Variants in PC observed in about 807,000 individuals in gnomAD.
The protein encoded by PC is pyruvate carboxylase, mitochondrial.
PC carries 46 observed loss-of-function variants against 107.8 expected under a neutral mutation model. The observed-to-expected ratio is 0.43, with a 90% CI of 0.34 to 0.55. The LOEUF (loss-of-function observed/expected upper bound fraction) is 0.55. Ranked by LOEUF, PC falls within the 20% of genes least tolerant of loss-of-function variation. The pLI is 0.04. For synonymous variants in PC, 662 were observed against 684.7 expected (o/e 0.97, Z 0.52); for missense variants, 1,241 against 1,643.1 (o/e 0.76, Z 4.23).
chr11:66,858,318 C>T lies in PC; in HGVS notation c.1369-4935G>A, dbSNP rs775117520. 1 of 1,608,412 alleles carries T rather than the reference C, an allele frequency of 6.2e-7. No individual in the cohort carries two copies. The highest frequency in any genetic ancestry group is 8.5e-7 in the Non-Finnish European group (1 of 1,179,088). On this transcript the variant is annotated intron_variant, in intron 12 of 22. Transcript: ENST00000393960. This position sits in a 1 kb window ranked among gnomAD's most constrained non-coding sequence, Gnocchi z 5.9. ...ACTGCCCCCAGGCGCCTTCGCCCAGCTCGGTCAGCTCTCCCGCCTGGACCT... is the reference window on the plus strand; with the variant it reads ...ACTGCCCCCAGGCGCCTTCGCCCAGTTCGGTCAGCTCTCCCGCCTGGACCT...
rs774375052 is a variant in PC, at chr11:66,849,048, T to C, written c.3388A>G (p.Lys1130Glu). ...VIDIKVVAGA[K>E]VAKGQPLCVL... Reference sequence around the variant, plus strand: ...CACAGGGGCTGGCCCTTGGCCACCTTGGCCCCTGCCACCACTTTGATGTCT... The same window carrying C: ...CACAGGGGCTGGCCCTTGGCCACCTCGGCCCCTGCCACCACTTTGATGTCT... Residue 1130 changes from lysine (K) to glutamate (E), a missense_variant, in exon 23 of 23, where the codon AAG becomes GAG. Lys to Glu is a moderately conservative substitution (Grantham distance 56). Around this residue, in one of 2 missense-constraint regions of PC, gnomAD observed 98 missense variants for 91.2 expected, o/e 1.07. Coordinates refer to ENST00000393960, the MANE Select transcript of PC (RefSeq NM_001040716.2). 17 of 1,614,044 alleles carry C rather than the reference T, an allele frequency of 1.1e-5. No individual in the cohort carries two copies. The highest frequency in any genetic ancestry group is 2.2e-5 in the East Asian group (1 of 44,882).
intron 12 of PC, chr11:66,860,695 C>G (rs906702148): frequency 4.3e-6 from 3 of 701,082 alleles, no homozygotes; most frequent in Non-Finnish European, 7.8e-6. Flanking sequence ...CTTGGGCAGG[C>G]GGCCTACCCT....
intron 3 of PC, among the ~76,000 whole-genome samples, chr11:66,916,902 C>T (rs1392867758): frequency 1.3e-5 from 2 of 151,650 alleles, no homozygotes; most frequent in Non-Finnish European, 2.9e-5. Flanking sequence ...TGTAGTGAGC[C>T]GAGACCGTGC....
intron 3 of PC, among the ~76,000 whole-genome samples, chr11:66,892,623 G>T (rs1947618250): frequency 6.6e-6 from 1 of 152,196 alleles, no homozygotes; most frequent in Admixed American, 6.5e-5. Flanking sequence ...AAGGTGGGTG[G>T]ATCATGAGGT....
At position 66,900,282 on chromosome 11, in the gene PC, G is replaced by A. The variant is rs117978387; in HGVS notation, c.1-28123C>T. Among the ~76,000 whole-genome samples the A allele has an allele frequency of 3.8e-4, 55 of 144,654 alleles. 1 individual carries two copies. In the East Asian group the frequency reaches 0.01, roughly 27 times the overall value. The allele number at this position is 144,654 out of a possible 152,430, so 94.9% of individuals were successfully genotyped here. On this transcript the variant is annotated intron_variant, in intron 3 of 22. Transcript: ENST00000393960. Reference sequence around the variant, plus strand: ...TGCAAGCTCTGACTCCCGGGTTCACGTCATTCTCCAGCCTCCCAACTAGCT... The same window carrying A: ...TGCAAGCTCTGACTCCCGGGTTCACATCATTCTCCAGCCTCCCAACTAGCT...
At chr11:66,910,586 A>ACGGC (rs1207631139) in intron 3 of PC, among the ~76,000 whole-genome samples, 1 of 152,146 alleles carries the variant, frequency 6.6e-6, no homozygotes. Context: ...AACTCACCAT[A>ACGGC]CGGCCGGTGG....
chr11:66,947,017 A>C (rs2136145480), intron 3 of PC, among the ~76,000 whole-genome samples: 1 of 152,252 alleles, frequency 6.6e-6, no homozygotes, highest in Non-Finnish European at 1.5e-5. Flanking sequence ...ATGAAGAGAA[A>C]CTGGAACTCT....
At chr11:66,953,397 T>C (rs1452866998) in intron 2 of PC, among the ~76,000 whole-genome samples, 1 of 152,212 alleles carries the variant, frequency 6.6e-6, no homozygotes, top group Non-Finnish European at 1.5e-5. Flanking sequence ...CCTCAAATCC[T>C]TTCCTGCAGA....
In PC at chr11:66,871,728, G is replaced by A. The variant is rs867332885; in HGVS notation, c.280C>T (p.Gln94Ter). 6.4e-7 allele frequency: 1 copy of A among 1,574,292 alleles called. No individual in the cohort carries two copies. Among genetic ancestry groups the A allele is most frequent in the South Asian group, 1.2e-5 (1 of 86,538 alleles). ...ATGTCTGGGATGTGCAGGTAGGCCTGCACGGGGGCCAGGCCGCGGCCGATG... is the reference window on the plus strand; with the variant it reads ...ATGTCTGGGATGTGCAGGTAGGCCTACACGGGGGCCAGGCCGCGGCCGATG... ...YLIGRGLAPV[Q>*]AYLHIPDIIK... is the part of the protein sequence containing the mutation. The change falls in exon 5 of 23, where the codon CAG becomes TAG. Residue 94 changes from glutamine (Q) to a stop codon, truncating the protein, a stop_gained. Coordinates refer to ENST00000393960, the MANE Select transcript of PC (RefSeq NM_001040716.2). LOFTEE classifies it high-confidence loss of function. The surrounding 1 kb of genome is among the most constrained non-coding windows in gnomAD (Gnocchi z 7.4).
intron 3 of PC, among the ~76,000 whole-genome samples, chr11:66,877,123 C>T (rs772778273): frequency 7.3e-4 from 111 of 152,330 alleles, no homozygotes; most frequent in Non-Finnish European, 1.3e-3. Context: ...CGGTGGCTCA[C>T]GCCTGTAATC....
At position 66,866,868 on chromosome 11, in the gene PC, G is replaced by A. The variant is rs115882882; in HGVS notation, c.1023-519C>T. ...AGGTGCTGTGAAGGCTGGGCTCCTCGAAATGGTAACCACAGCTGTGAGAGG... is the reference window on the plus strand; with the variant it reads ...AGGTGCTGTGAAGGCTGGGCTCCTCAAAATGGTAACCACAGCTGTGAGAGG... On this transcript the variant is annotated intron_variant, in intron 10 of 22. Coordinates refer to ENST00000393960, the MANE Select transcript of PC (RefSeq NM_001040716.2). This position sits in a 1 kb window ranked among gnomAD's most constrained non-coding sequence, Gnocchi z 5.4. 9.2e-3 allele frequency among the ~76,000 whole-genome samples: 1,403 copies of A among 152,264 alleles called. 26 individuals carry two copies. The highest frequency in any genetic ancestry group is 0.031 in the African/African-American group (1,294 of 41,534).
chr11:66,940,346 C>T (rs948465485), intron 3 of PC, among the ~76,000 whole-genome samples: 1 of 151,860 alleles, frequency 6.6e-6, no homozygotes, highest in African/African-American at 2.4e-5. Flanking sequence ...CCACACCCGG[C>T]CCCTCTGCCC....
intron 3 of PC, among the ~76,000 whole-genome samples, chr11:66,885,976 C>A (rs1420044996): frequency 6.6e-6 from 1 of 152,220 alleles, no homozygotes; most frequent in Non-Finnish European, 1.5e-5. Context: ...CCCTCTCATC[C>A]GCACATCCTG....
intron 12 of PC, chr11:66,859,789 C>T (rs753510821): frequency 2.0e-5 from 32 of 1,598,372 alleles, no homozygotes; most frequent in Non-Finnish European, 2.4e-5. Context: ...TCCACGCTGC[C>T]GGCCTCGCCC....
chr11:66,870,779 G>A lies in PC; in HGVS notation c.747C>T (p.Ile249=), dbSNP rs566631933. 9.9e-6 allele frequency: 16 copies of A among 1,612,232 alleles called. No individual in the cohort carries two copies. In the South Asian group the frequency reaches 1.8e-4, roughly 18 times the overall value. ...IEKPRHIEVQ[I]LGDQYGNILH... is the part of the protein sequence containing the mutation. Reference sequence around the variant, plus strand: ...CGGGGCGTCAGGACCACTCACCCAAGATCTGCACCTCGATGTGCCGTGGCT... The same window carrying A: ...CGGGGCGTCAGGACCACTCACCCAAAATCTGCACCTCGATGTGCCGTGGCT... Residue 249 remains isoleucine, a synonymous_variant, in exon 8 of 23, where the codon ATC becomes ATT. Transcript: ENST00000393960. The surrounding 1 kb of genome is among the most constrained non-coding windows in gnomAD (Gnocchi z 6.1).
chr11:66,868,226 C>T (rs965527429), intron 10 of PC, among the ~76,000 whole-genome samples: 6 of 152,290 alleles, frequency 3.9e-5, no homozygotes, highest in South Asian at 2.1e-4. Context: ...ATAAGTGACA[C>T]GCTTAATAAC....
intron 9 of PC, 70 bp from the exon 10 acceptor site, chr11:66,869,034 A>G: frequency 1.7e-6 from 2 of 1,182,446 alleles, no homozygotes; most frequent in South Asian, 1.2e-5. Flanking sequence ...GACTCAGGAC[A>G]GGGATTCCGT....
rs1946762611 is a variant in PC at position 66,872,131 on chromosome 11, C to A, written c.29G>T (p.Gly10Val). The A allele has an allele frequency of 3.8e-6, 6 of 1,581,196 alleles. No homozygotes were observed. Among genetic ancestry groups the A allele is most frequent in the Non-Finnish European group, 5.2e-6 (6 of 1,164,522 alleles). The change falls in exon 4 of 23, where the codon GGC becomes GTC. Residue 10 changes from glycine to valine, a missense_variant. Transcript: ENST00000393960. ...TCGGCGGATTCCCAGGAGCCTCAGGCCCCCATGGACTGTTCGGAACTTCAG... is the reference window on the plus strand; with the variant it reads ...TCGGCGGATTCCCAGGAGCCTCAGGACCCCATGGACTGTTCGGAACTTCAG... MLKFRTVHG[G>V]LRLLGIRRTS... is the part of the protein sequence containing the mutation.
intron 3 of PC, among the ~76,000 whole-genome samples, chr11:66,909,782 T>G (rs940528827): frequency 2.6e-5 from 4 of 151,818 alleles, no homozygotes; most frequent in Non-Finnish European, 5.9e-5. Context: ...ACCATGGGAG[T>G]TGAGACTCAC....
Sources: allele counts gnomAD v4.1 joint callset (sites outside exome capture counted in the v4.1 genomes callset), GRCh38; gene constraint gnomAD v4.1.1; regional missense constraint gnomAD v4.1.1; non-coding constraint Gnocchi (gnomAD v3.1); transcripts MANE v1.5; gene names NCBI Gene and HGNC (gene_info 2026-07-23, HGNC 2026-07-21).